Variants in OR1J2 observed in about 807,000 individuals in gnomAD.
The protein encoded by OR1J2 is olfactory receptor family 1 subfamily J member 2.
For synonymous variants in OR1J2, 142 were observed against 99.7 expected (o/e 1.42, Z -2.52); for missense variants, 304 against 246.1 (o/e 1.24, Z -1.57).
the OR1J2 span, among the ~76,000 whole-genome samples, chr9:122,575,745 C>CT: frequency 3.9e-5 from 6 of 152,136 alleles, no homozygotes; most frequent in African/African-American, 1.4e-4. Context: ...CTCACAGTTA[C>CT]TTTTTTGTGA....
At chr9:122,447,886 C>G in the OR1J2 span, among the ~76,000 whole-genome samples, 2 of 152,164 alleles carry the variant, frequency 1.3e-5, no homozygotes, top group African/African-American at 2.4e-5. Context: ...TCTGTAATCT[C>G]AGCACTTTGG....
the OR1J2 span, among the ~76,000 whole-genome samples, chr9:122,531,094 A>C: frequency 6.6e-6 from 1 of 152,174 alleles, no homozygotes; most frequent in East Asian, 1.9e-4. Context: ...TGGTATGGAG[A>C]GATAATGGGC....
At chr9:122,573,879 C>T in the OR1J2 span, among the ~76,000 whole-genome samples, 2 of 152,216 alleles carry the variant, frequency 1.3e-5, no homozygotes, top group African/African-American at 4.8e-5. Context: ...AGTTTTGCAT[C>T]TTATATTTAG....
At chr9:122,577,586 T>C in the OR1J2 span, among the ~76,000 whole-genome samples, 20,746 of 152,136 alleles carry the variant, frequency 0.14, 1,536 homozygotes, top group Middle Eastern at 0.21. Context: ...GATAAAATAA[T>C]AAAATAACAG....
the OR1J2 span, among the ~76,000 whole-genome samples, chr9:122,560,308 G>A: frequency 0.019 from 2,819 of 152,066 alleles, 79 homozygotes; most frequent in African/African-American, 0.064. Flanking sequence ...TCTTTTAATC[G>A]CAGCATTTAG....
In OR1J2 at chr9:122,511,451, C is replaced by T; in HGVS notation, c.650C>T (p.Ser217Leu). 1.3e-6 allele frequency: 1 copy of T among 779,210 alleles called. No individual in the cohort carries two copies. The highest frequency in any genetic ancestry group is 2.4e-6 in the Non-Finnish European group (1 of 417,274). The allele number at this position is 779,210 out of a possible 1,614,324, so 48.3% of individuals were successfully genotyped here. A position where few individuals can be genotyped will look rare whatever the true frequency, so the allele number is the denominator to read the frequency against. The change falls in exon 1 of 1, where the codon TCA becomes TTA. Residue 217 changes from serine to leucine, a missense_variant. Physicochemically the swap from Ser to Leu is moderately radical, Grantham distance 145. Transcript: ENST00000335302. Reference protein sequence around the residue: ...ITLPFMCILVSYGYIGATILR... With the variant: ...ITLPFMCILVLYGYIGATILR... ...CTGCCATTCATGTGTATCCTGGTAT[C>T]ATATGGCTACATTGGGGCCACCATC...
At chr9:122,534,573 G>A in the OR1J2 span, among the ~76,000 whole-genome samples, 5,791 of 152,216 alleles carry the variant, frequency 0.038, 364 homozygotes, top group African/African-American at 0.13. Flanking sequence ...ACTGTAAGCC[G>A]GACTGGGTGT....
chr9:122,492,333 A>G, the OR1J2 span, among the ~76,000 whole-genome samples: 4 of 152,106 alleles, frequency 2.6e-5, no homozygotes, highest in Admixed American at 6.5e-5. Flanking sequence ...ACATGATTTC[A>G]TTCTTTTTAT....
chr9:122,482,104 A>G, the OR1J2 span, among the ~76,000 whole-genome samples: 1 of 152,190 alleles, frequency 6.6e-6, no homozygotes, highest in Non-Finnish European at 1.5e-5. Flanking sequence ...AATATTTTCG[A>G]ACTGTGTGTC....
the OR1J2 span, among the ~76,000 whole-genome samples, chr9:122,457,078 G>A: frequency 6.6e-6 from 1 of 152,166 alleles, no homozygotes; most frequent in Admixed American, 6.5e-5. Flanking sequence ...GCAGGGACAT[G>A]GGTGGAGCTG....
At chr9:122,476,144 G>T in the OR1J2 span, among the ~76,000 whole-genome samples, 2 of 152,208 alleles carry the variant, frequency 1.3e-5, no homozygotes, top group Non-Finnish European at 2.9e-5. Flanking sequence ...CTGAACATCT[G>T]TATGTGTTTG....
In OR1J2 at chr9:122,510,935, T is replaced by A. The variant is rs560859704; in HGVS notation, c.134T>A (p.Ile45Asn). 4 of 1,612,516 alleles carry A rather than the reference T, an allele frequency of 2.5e-6. No homozygotes were observed. In the East Asian group the frequency reaches 8.9e-5, roughly 36 times the overall value. The change falls in exon 1 of 1, where the codon ATC becomes AAC. Residue 45 changes from isoleucine to asparagine, a missense_variant. By Grantham distance (149) the Ile-to-Asn change is moderately radical. Coordinates refer to ENST00000335302, the MANE Select transcript of OR1J2 (RefSeq NM_054107.1). ...ACCACGGTGCTGGGGAACCTGCTCA[T>A]CATGCTGCTCATCCAGCTGGACTCT... ...YLTTVLGNLL[I>N]MLLIQLDSHL...
the OR1J2 span, among the ~76,000 whole-genome samples, chr9:122,550,624 CAT>C: frequency 1.8e-4 from 28 of 151,642 alleles, no homozygotes; most frequent in African/African-American, 5.8e-4. Context: ...TGATTCACCA[CAT>C]AAACAGAATT....
the OR1J2 span, chr9:122,519,641 C>T: frequency 6.2e-7 from 1 of 1,614,152 alleles, no homozygotes; most frequent in Non-Finnish European, 8.5e-7. Context: ...CCCAGCTGTC[C>T]TTTTGTGCTG....
chr9:122,482,380 G>T, the OR1J2 span, among the ~76,000 whole-genome samples: 1 of 152,094 alleles, frequency 6.6e-6, no homozygotes, highest in African/African-American at 2.4e-5. Context: ...CCAAATACTG[G>T]CCTGGATGTG....
At chr9:122,561,447 T>C in the OR1J2 span, among the ~76,000 whole-genome samples, 2 of 152,222 alleles carry the variant, frequency 1.3e-5, no homozygotes, top group African/African-American at 2.4e-5. Flanking sequence ...CAGCGTTTTT[T>C]CGTTGATTCT....
chr9:122,572,140 A>G, the OR1J2 span, among the ~76,000 whole-genome samples: 4 of 152,172 alleles, frequency 2.6e-5, no homozygotes, highest in African/African-American at 7.2e-5. Context: ...ACTCACTAAC[A>G]TGATACTAGC....
chr9:122,538,090 T>G, the OR1J2 span, among the ~76,000 whole-genome samples: 2 of 152,154 alleles, frequency 1.3e-5, no homozygotes, highest in Non-Finnish European at 2.9e-5. Flanking sequence ...GTCACCTGTG[T>G]AGCCTTTCTT....
chr9:122,572,351 T>A, the OR1J2 span, among the ~76,000 whole-genome samples: 1 of 152,168 alleles, frequency 6.6e-6, no homozygotes, highest in African/African-American at 2.4e-5. Flanking sequence ...AAAGCAGTCA[T>A]TCATGAAAAG....
Sources: gnomAD v4.1 joint callset for allele counts (sites outside exome capture counted in the v4.1 genomes callset) on GRCh38, gnomAD v4.1.1 for gene constraint, MANE v1.5 for transcripts, NCBI Gene and HGNC (gene_info 2026-07-23, HGNC 2026-07-21) for gene names.